C6orf163: variants seen among roughly 807,000 people sequenced by gnomAD.
C6orf163 encodes uncharacterized protein C6orf163.
C6orf163 carries 22 observed loss-of-function variants against 28.4 expected under a neutral mutation model. That is an observed-to-expected ratio of 0.78 (90% confidence interval 0.55 to 1.11). C6orf163 has a LOEUF of 1.11. C6orf163 is among the 50% of genes least tolerant of loss of function. C6orf163 has a pLI of 0.00. For missense variants in C6orf163, 342 were observed against 389.1 expected, an observed-to-expected ratio of 0.88 and a Z score of 1.02; for synonymous variants, 110 against 123.6, an observed-to-expected ratio of 0.89 and a Z score of 0.73.
intron 1 of C6orf163, chr6:87,348,344 T>G: frequency 2.0e-6 from 2 of 987,192 alleles, no homozygotes; most frequent in Non-Finnish European, 1.2e-6. Flanking sequence ...CACTCCATAC[T>G]GAAGCAGTTA....
At chr6:87,364,666 A>G (rs1777621476) in intron 4 of C6orf163, among the ~76,000 whole-genome samples, 1 of 152,202 alleles carries the variant, frequency 6.6e-6, no homozygotes, top group South Asian at 2.1e-4. Context: ...TTTTAAGCAC[A>G]ATGCATGTAT....
At chr6:87,355,563 A>T (rs1777487614) in intron 3 of C6orf163, among the ~76,000 whole-genome samples, 1 of 152,198 alleles carries the variant, frequency 6.6e-6, no homozygotes, top group Non-Finnish European at 1.5e-5. Flanking sequence ...CCTGTCTCAA[A>T]AAAAAACAAT....
rs80310292 is a variant in C6orf163 at position 87,353,456 on chromosome 6, C to A, written c.352-2845C>A. On this transcript the variant is annotated intron_variant, in intron 3 of 4. Transcript: ENST00000388923. ...AAAATTGAAAATTAAAAAAAAAAAA[C>A]AAACACAATCACTTTGTGCCAAAAA... 3.4e-4 allele frequency among the ~76,000 whole-genome samples: 50 copies of A among 148,166 alleles called. 1 individual carries two copies. The highest frequency in any genetic ancestry group is 9.9e-4 in the East Asian group (5 of 5,054).
rs1401840146 is a variant in C6orf163, at chr6:87,355,732, C to T, written c.352-569C>T. ...CAGTGAATCCCTTGAGGACTAAGAT[C>T]CCCACCTTCTTGTATATGTAGCTTC... is the stretch of plus-strand genomic sequence containing the variant. On this transcript the variant is annotated intron_variant, in intron 3 of 4. Transcript: ENST00000388923. 4.6e-5 allele frequency among the ~76,000 whole-genome samples: 7 copies of T among 152,122 alleles called. No homozygotes were observed. In the South Asian group the frequency reaches 6.2e-4, roughly 14 times the overall value.
chr6:87,350,448 A>T lies in C6orf163; in HGVS notation c.298A>T (p.Arg100Ter). Residue 100 changes from arginine to a stop codon, truncating the protein, a stop_gained, in exon 3 of 5, where the codon AGA (arginine) becomes TGA (stop). Coordinates refer to ENST00000388923, the MANE Select transcript of C6orf163 (RefSeq NM_001010868.3). LOFTEE classifies it high-confidence loss of function. Reference protein sequence around the residue: ...VEKALEEANDRHKIEIQILKE... With the variant: ...VEKALEEAND ...GAAAGCACTTGAAGAAGCAAATGAC[A>T]GACACAAAATTGAAATTCAGATTTT... 6.5e-7 allele frequency: 1 copy of T among 1,536,344 alleles called. No individual in the cohort carries two copies.
At chr6:87,352,479 G>A (rs183970230) in intron 3 of C6orf163, among the ~76,000 whole-genome samples, 181 of 152,256 alleles carry the variant, frequency 1.2e-3, no homozygotes, top group Middle Eastern at 6.8e-3. Context: ...TTACTCTTAC[G>A]TGATGTTAAG....
chr6:87,354,730 C>T (rs1582107856), intron 3 of C6orf163, among the ~76,000 whole-genome samples: 1 of 152,318 alleles, frequency 6.6e-6, no homozygotes, highest in Middle Eastern at 3.4e-3. Flanking sequence ...ACTTTTCACC[C>T]TTGAAGTAGC....
At chr6:87,350,004 T>C (rs1202579177) in intron 2 of C6orf163, among the ~76,000 whole-genome samples, 1 of 152,242 alleles carries the variant, frequency 6.6e-6, no homozygotes, top group Non-Finnish European at 1.5e-5. Flanking sequence ...CTCAGCTCCT[T>C]CTAGCTTTGT....
chr6:87,352,982 T>A (rs1037833086), intron 3 of C6orf163, among the ~76,000 whole-genome samples: 3 of 152,190 alleles, frequency 2.0e-5, no homozygotes, highest in African/African-American at 7.2e-5. Context: ...CAAGATGCAT[T>A]TCAGTAAAAG....
In C6orf163 at chr6:87,355,852, G is replaced by A. The variant is rs1011211933; in HGVS notation, c.352-449G>A. 5.9e-5 allele frequency among the ~76,000 whole-genome samples: 9 copies of A among 152,236 alleles called. No homozygotes were observed. In the East Asian group the frequency reaches 1.7e-3, roughly 29 times the overall value. ...GTGGCTCTGTTTTCCACAGGTCTTG[G>A]TTTGACTAGTGGTTCCTCTCCTTAG... On this transcript the variant is annotated intron_variant, in intron 3 of 4. Coordinates refer to ENST00000388923, the MANE Select transcript of C6orf163 (RefSeq NM_001010868.3).
At chr6:87,351,443 C>G (rs1294521758) in intron 3 of C6orf163, among the ~76,000 whole-genome samples, 1 of 152,098 alleles carries the variant, frequency 6.6e-6, no homozygotes, top group Non-Finnish European at 1.5e-5. Context: ...CTGTCTTTAC[C>G]CAGAGAGGAC....
At chr6:87,352,534 A>G (rs1392962190) in intron 3 of C6orf163, among the ~76,000 whole-genome samples, 1 of 152,198 alleles carries the variant, frequency 6.6e-6, no homozygotes, top group East Asian at 1.9e-4. Flanking sequence ...AAATTTCTAG[A>G]TCTTGTTTGA....
rs1166387960 is a variant in C6orf163 at position 87,356,346 on chromosome 6, G to A, written c.397G>A (p.Asp133Asn). 6.4e-7 allele frequency: 1 copy of A among 1,551,710 alleles called. No individual in the cohort carries two copies. The highest frequency in any genetic ancestry group is 8.7e-7 in the Non-Finnish European group (1 of 1,146,996). The change falls in exon 4 of 5, where the codon GAC (aspartate) becomes AAC (asparagine). Residue 133 changes from aspartate to asparagine, a missense_variant. Coordinates refer to ENST00000388923, the MANE Select transcript of C6orf163 (RefSeq NM_001010868.3). ...GACAGAGATGTATCAAAACATGGATGACGAAATGAAGAGAGAGCACTTGGC... is the reference window on the plus strand; with the variant it reads ...GACAGAGATGTATCAAAACATGGATAACGAAATGAAGAGAGAGCACTTGGC... ...TKTEMYQNMD[D>N]EMKREHLAAE...
chr6:87,362,206 G>C (rs1360904348), intron 4 of C6orf163, among the ~76,000 whole-genome samples: 1 of 152,208 alleles, frequency 6.6e-6, no homozygotes, highest in Non-Finnish European at 1.5e-5. Context: ...GTCAGGCACG[G>C]TGGCTCACAC....
intron 3 of C6orf163, among the ~76,000 whole-genome samples, chr6:87,352,359 T>G (rs1777429199): frequency 6.6e-6 from 1 of 152,136 alleles, no homozygotes; most frequent in Non-Finnish European, 1.5e-5. Flanking sequence ...TCCATCAGCA[T>G]CCCAAGTGAT....
intron 3 of C6orf163, among the ~76,000 whole-genome samples, chr6:87,355,445 C>G (rs907969322): frequency 6.6e-6 from 1 of 152,072 alleles, no homozygotes; most frequent in Non-Finnish European, 1.5e-5. Context: ...TCTGTCGTCT[C>G]AGCTACATGG....
At position 87,345,232 on chromosome 6, in the gene C6orf163, C is replaced by G. The variant is rs41273287; in HGVS notation, c.133C>G (p.His45Asp). The change falls in exon 1 of 5, where the codon CAC (histidine) becomes GAC (aspartate). Residue 45 changes from histidine to aspartate, a missense_variant. Coordinates refer to ENST00000388923, the MANE Select transcript of C6orf163 (RefSeq NM_001010868.3). ...GCCACTTAAGACACGCTTTTACACT[C>G]ACAAAGACATACTAGGTAAGTGACT... ...YKPLKTRFYT[H>D]KDILDIGANI... 2.0e-6 allele frequency: 3 copies of G among 1,528,098 alleles called. No homozygotes were observed. The highest frequency in any genetic ancestry group is 2.8e-5 in the African/African-American group (2 of 72,304). 94.7% of individuals were successfully genotyped at this position (1,528,098 alleles called of 1,614,324 possible).
intron 4 of C6orf163, among the ~76,000 whole-genome samples, chr6:87,361,896 C>A (rs886367241): frequency 2.0e-5 from 3 of 152,168 alleles, no homozygotes; most frequent in African/African-American, 7.2e-5. Flanking sequence ...AGTTCAGACC[C>A]TCATCATTGC....
intron 3 of C6orf163, among the ~76,000 whole-genome samples, chr6:87,351,429 TC>T (rs1777411569): frequency 6.6e-6 from 1 of 152,156 alleles, no homozygotes; most frequent in African/African-American, 2.4e-5. Context: ...TGAGATAAAA[TC>T]AACTGTCTTT....
Sources: gnomAD v4.1 joint callset for allele counts (sites outside exome capture counted in the v4.1 genomes callset) on GRCh38, gnomAD v4.1.1 for gene constraint, MANE v1.5 for transcripts, NCBI Gene and HGNC (gene_info 2026-07-23, HGNC 2026-07-21) for gene names.